The following ADAMTS19 variants were observed in gnomAD, a reference collection of about 807,000 sequenced individuals.
ADAMTS19 encodes ADAM metallopeptidase with thrombospondin type 1 motif 19.
In ADAMTS19, 93 loss-of-function variants were observed where a neutral mutation model predicts 153.3. That is an observed-to-expected ratio of 0.61 (90% confidence interval 0.51 to 0.72). The LOEUF (loss-of-function observed/expected upper bound fraction) is 0.72. Ranked by LOEUF, ADAMTS19 falls within the 30% of genes least tolerant of loss-of-function variation. The probability of loss-of-function intolerance (pLI) is 0.00; values close to 1 mark genes in which losing one functional copy is unlikely to be tolerated. For missense variants in ADAMTS19, 1,482 were observed against 1,552.1 expected (o/e 0.95, Z 0.76); for synonymous variants, 600 against 556.6 (o/e 1.08, Z -1.10).
chr5:129,528,683 T>A lies in ADAMTS19; in HGVS notation c.1328+6T>A. The A allele has an allele frequency of 6.3e-7, 1 of 1,578,604 alleles. No individual in the cohort carries two copies. The highest frequency in any genetic ancestry group is 8.6e-7 in the Non-Finnish European group (1 of 1,165,212). ...GCAGCTATACTTATAACAAGGTAAA[T>A]TTTCCAATGCCAATTAAATGGCATT... On this transcript the variant is annotated splice_donor_region_variant and intron_variant, in intron 6 of 22. Transcript: ENST00000274487.
At chr5:129,722,602 A>G (rs1199335805) in intron 21 of ADAMTS19, among the ~76,000 whole-genome samples, 2 of 152,166 alleles carry the variant, frequency 1.3e-5, no homozygotes, top group Non-Finnish European at 2.9e-5. Flanking sequence ...TAGTTTAATT[A>G]GATCCCATTT....
At position 129,622,245 on chromosome 5, in the gene ADAMTS19, A is replaced by T; in HGVS notation, c.1667A>T (p.Asn556Ile). 1.2e-6 allele frequency: 2 copies of T among 1,614,144 alleles called. No homozygotes were observed. Among genetic ancestry groups the T allele is most frequent in the Non-Finnish European group, 1.7e-6 (2 of 1,180,004 alleles). Residue 556 changes from asparagine to isoleucine, a missense_variant, in exon 10 of 23, where the codon AAT (asparagine) becomes ATT (isoleucine). By Grantham distance (149) the Asn-to-Ile change is moderately radical. Coordinates refer to ENST00000274487, the MANE Select transcript of ADAMTS19 (RefSeq NM_133638.6). ...CLLQTNPQSV[N>I]SVMVPSKLPG... ...CTACAAACAAATCCGCAGAGTGTCA[A>T]TTCTGTGATGGTTCCCTCCAAGCTG... is the stretch of plus-strand genomic sequence containing the variant.
chr5:129,562,810 G>C (rs1753569087), intron 7 of ADAMTS19, among the ~76,000 whole-genome samples: 1 of 152,032 alleles, frequency 6.6e-6, no homozygotes, highest in Non-Finnish European at 1.5e-5. Context: ...TTACCACCAA[G>C]TTCCCAGCTC....
intron 8 of ADAMTS19, among the ~76,000 whole-genome samples, chr5:129,610,898 T>C (rs1751178772): frequency 6.6e-6 from 1 of 152,176 alleles, no homozygotes; most frequent in South Asian, 2.1e-4. Context: ...TAGTTTACAG[T>C]CCCACCAACA....
intron 7 of ADAMTS19, among the ~76,000 whole-genome samples, chr5:129,594,335 T>C (rs1489761176): frequency 6.6e-6 from 1 of 152,254 alleles, no homozygotes; most frequent in African/African-American, 2.4e-5. Context: ...TGATAACCCA[T>C]GTTAGCTGAG....
intron 2 of ADAMTS19, among the ~76,000 whole-genome samples, chr5:129,479,059 T>C (rs1169956248): frequency 3.3e-5 from 5 of 152,062 alleles, no homozygotes; most frequent in African/African-American, 9.7e-5. Flanking sequence ...GTTTTATAGA[T>C]AAGGATGCTG....
chr5:129,592,399 A>G (rs892452264), intron 7 of ADAMTS19, among the ~76,000 whole-genome samples: 10 of 149,720 alleles, frequency 6.7e-5, no homozygotes, highest in Non-Finnish European at 1.3e-4. Flanking sequence ...AAAAAAAAAA[A>G]GTGCTTTGAA....
At chr5:129,726,593 G>C (rs1037106458) in intron 21 of ADAMTS19, among the ~76,000 whole-genome samples, 2 of 152,058 alleles carry the variant, frequency 1.3e-5, no homozygotes. Flanking sequence ...CCTACTTAAG[G>C]GTCCACTCTA....
intron 11 of ADAMTS19, among the ~76,000 whole-genome samples, chr5:129,645,721 T>C (rs1753028964): frequency 6.6e-6 from 1 of 152,058 alleles, no homozygotes; most frequent in African/African-American, 2.4e-5. Flanking sequence ...ATATGCACTC[T>C]GGGAAACATA....
intron 8 of ADAMTS19, among the ~76,000 whole-genome samples, chr5:129,611,232 G>C (rs910162734): frequency 6.6e-6 from 1 of 152,014 alleles, no homozygotes; most frequent in Non-Finnish European, 1.5e-5. Context: ...CTCCCATTCT[G>C]TAGGTTGCCT....
chr5:129,702,264 G>A (rs1486231885), intron 20 of ADAMTS19, among the ~76,000 whole-genome samples: 1 of 152,078 alleles, frequency 6.6e-6, no homozygotes, highest in East Asian at 1.9e-4. Context: ...ATAATAAATG[G>A]CACTCATGAC....
intron 6 of ADAMTS19, among the ~76,000 whole-genome samples, chr5:129,549,990 A>ATATG (rs746949331): frequency 3.4e-5 from 4 of 118,236 alleles, no homozygotes; most frequent in East Asian, 2.7e-4. Flanking sequence ...ATGTATCTGT[A>ATATG]TATGTATCTA....
intron 19 of ADAMTS19, among the ~76,000 whole-genome samples, chr5:129,698,842 G>A (rs1430297987): frequency 6.6e-6 from 1 of 152,206 alleles, no homozygotes; most frequent in Non-Finnish European, 1.5e-5. Context: ...TGGAAGATGT[G>A]CACTTTAGGA....
chr5:129,466,556 T>C (rs1011511378), intron 2 of ADAMTS19, among the ~76,000 whole-genome samples: 8 of 152,108 alleles, frequency 5.3e-5, no homozygotes, highest in African/African-American at 1.7e-4. Context: ...GATGAGTTGA[T>C]AGGTAAATTT....
At chr5:129,534,753 G>T (rs149683373) in intron 6 of ADAMTS19, among the ~76,000 whole-genome samples, 7,408 of 152,268 alleles carry the variant, frequency 0.049, 242 homozygotes, top group African/African-American at 0.088. Flanking sequence ...TCCCTGAGAT[G>T]CAAGGCTTGT....
chr5:129,545,579 A>G lies in ADAMTS19; in HGVS notation c.1329-6285A>G, dbSNP rs546745889. Among the ~76,000 whole-genome samples the G allele has an allele frequency of 5.9e-5, 9 of 152,338 alleles. 1 individual carries two copies. In the South Asian group the frequency reaches 1.9e-3, roughly 32 times the overall value. ...AGTACCAAAGAAGATAAATAAAAACATGAACAGACACTTCTCAAAAGAAGA... is the reference window on the plus strand; with the variant it reads ...AGTACCAAAGAAGATAAATAAAAACGTGAACAGACACTTCTCAAAAGAAGA... On this transcript the variant is annotated intron_variant, in intron 6 of 22. Transcript: ENST00000274487.
At chr5:129,704,448 T>G in intron 21 of ADAMTS19, 57 bp downstream of exon 21, 1 of 1,568,786 alleles carries the variant, frequency 6.4e-7, no homozygotes, top group Non-Finnish European at 8.7e-7. Flanking sequence ...AGCATTGCCC[T>G]GGGTACTATA....
rs1010802879 is a variant in ADAMTS19, at chr5:129,654,250, T to C, written c.2177-56T>C. 1.4e-5 allele frequency: 21 copies of C among 1,505,070 alleles called. No homozygotes were observed. In the Admixed American group the frequency reaches 4.3e-4, roughly 31 times the overall value. The allele number at this position is 1,505,070 out of a possible 1,614,324, so 93.2% of individuals were successfully genotyped here. On this transcript the variant is annotated intron_variant, in intron 13 of 22. Coordinates refer to ENST00000274487, the MANE Select transcript of ADAMTS19 (RefSeq NM_133638.6). ...CGATTCTTAAAAATGAAGCTTAAGA[T>C]AAAAATATTTATGGGGTAACTTTTT... is the stretch of plus-strand genomic sequence containing the variant.
chr5:129,620,631 C>A lies in ADAMTS19; in HGVS notation c.1492C>A (p.His498Asn). ...HEMGHNMGIN[H>N]DNDHPSCADG... is the part of the protein sequence containing the mutation. ...ATTCCAAATCAGCATGGGCATTAAC[C>A]ATGACAATGACCACCCATCGTGTGC... Residue 498 changes from histidine to asparagine, a missense_variant, in exon 9 of 23, where the codon CAT (histidine) becomes AAT (asparagine). His to Asn is a moderately conservative substitution (Grantham distance 68). This residue lies in a region of ADAMTS19 where 866 missense variants were observed against 827.7 expected (regional missense o/e 1.05). Coordinates refer to ENST00000274487, the MANE Select transcript of ADAMTS19 (RefSeq NM_133638.6). 6.2e-7 allele frequency: 1 copy of A among 1,602,106 alleles called. No homozygotes were observed. Among genetic ancestry groups the A allele is most frequent in the Non-Finnish European group, 8.5e-7 (1 of 1,173,682 alleles).
Sources: gnomAD v4.1 joint callset for allele counts (sites outside exome capture counted in the v4.1 genomes callset) on GRCh38, gnomAD v4.1.1 for gene constraint, gnomAD v4.1.1 regional missense constraint, MANE v1.5 for transcripts, NCBI Gene and HGNC (gene_info 2026-07-23, HGNC 2026-07-21) for gene names.